The following ACIN1 variants were observed in gnomAD, a reference collection of about 807,000 sequenced individuals.
ACIN1 encodes apoptotic chromatin condensation inducer 1.
In ACIN1, 16 loss-of-function variants were observed where a neutral mutation model predicts 146.6. That is an observed-to-expected ratio of 0.11 (90% CI 0.07 to 0.17). The LOEUF is 0.17. Ranked by LOEUF, ACIN1 falls within the 10% of genes least tolerant of loss-of-function variation. The pLI is 1.00. For synonymous variants in ACIN1, 569 were observed against 582.7 expected, an observed-to-expected ratio of 0.98 and a Z score of 0.34; for missense variants, 1,357 against 1,609.3, an observed-to-expected ratio of 0.84 and a Z score of 2.68.
At chr14:23,066,224 T>A in intron 9 of ACIN1, 1 of 511,914 alleles carries the variant, frequency 2.0e-6, no homozygotes. Flanking sequence ...GAGAAAAAAA[T>A]AAAACTAAAC....
rs2047677754 is a variant in ACIN1, at chr14:23,072,172, ATGG to A, written c.2124-2558_2124-2556del. ...ACTCCAACATGTCCTTTTCCCAGGG[ATGG>A]TGGAGGGAAGTGGATAGCAGGGAGA... On this transcript the variant is annotated intron_variant, in intron 8 of 18. Coordinates refer to ENST00000605057, the MANE Select transcript of ACIN1 (RefSeq NM_001386863.1). 2.0e-5 allele frequency among the ~76,000 whole-genome samples: 3 copies of A among 152,198 alleles called. No individual in the cohort carries two copies. The South Asian group carries it at 6.2e-4, about 32-fold the overall frequency.
At chr14:23,094,199 C>G (rs1287325744) in intron 1 of ACIN1, among the ~76,000 whole-genome samples, 1 of 152,126 alleles carries the variant, frequency 6.6e-6, no homozygotes, top group Non-Finnish European at 1.5e-5. Flanking sequence ...CAACCCAGAC[C>G]TAATCTGCAC....
In ACIN1 at chr14:23,080,271, T is replaced by C; in HGVS notation, c.1064A>G (p.Glu355Gly). 6.2e-7 allele frequency: 1 copy of C among 1,614,178 alleles called. No individual in the cohort carries two copies. Among genetic ancestry groups the C allele is most frequent in the Non-Finnish European group, 8.5e-7 (1 of 1,180,024 alleles). ...ALPEQTASEE[E>G]TPPPLLTKEA... ...CTTTGTTAGTAAAGGTGGAGGAGTC[T>C]CCTCCTCGCTGGCAGTTTGCTCTGG... The change falls in exon 6 of 19, where the codon GAG (glutamate) becomes GGG (glycine). Residue 355 changes from glutamate to glycine, a missense_variant. Around this residue, in one of 4 missense-constraint regions of ACIN1, gnomAD observed 771 missense variants for 746.6 expected, o/e 1.03. Transcript: ENST00000605057.
chr14:23,080,478 T>C lies in ACIN1; in HGVS notation c.857A>G (p.Gln286Arg), dbSNP rs1267775308. ...LERGGRFTRS[Q>R]EEARKSHLAR... is the part of the protein sequence containing the mutation. The stretch of plus-strand genomic sequence containing the variant: ...CAGATGACTTTTTCTAGCCTCTTCC[T>C]GGGATCTTGTAAATCTCCCTCCTCT... The change falls in exon 6 of 19, where the codon CAG (glutamine) becomes CGG (arginine). Residue 286 changes from glutamine to arginine, a missense_variant. This residue lies in a region of ACIN1 where 771 missense variants were observed against 746.6 expected (regional missense o/e 1.03). Coordinates refer to ENST00000605057, the MANE Select transcript of ACIN1 (RefSeq NM_001386863.1). 1.2e-6 allele frequency: 2 copies of C among 1,614,078 alleles called. No homozygotes were observed.
rs1357150178 is a variant in ACIN1, at chr14:23,078,953, G to A, written c.1874C>T (p.Pro625Leu). ...ACAGACCTGCAGTTGTGGCACTGGT[G>A]GAGTTGCAACCTCCTGACCAGAAGA... ...DPSSGQEVATPPVPQLQVCEP... is the reference protein window; with the variant it reads ...DPSSGQEVATLPVPQLQVCEP... The change falls in exon 7 of 19, where the codon CCA becomes CTA. Residue 625 changes from proline (P) to leucine (L), a missense_variant. By Grantham distance (98) the Pro-to-Leu change is moderately conservative (BLOSUM62 -3). Coordinates refer to ENST00000605057, the MANE Select transcript of ACIN1 (RefSeq NM_001386863.1). 8 of 1,614,190 alleles carry A rather than the reference G, an allele frequency of 5.0e-6. No homozygotes were observed. The highest frequency in any genetic ancestry group is 1.7e-5 in the Admixed American group (1 of 60,018).
chr14:23,059,331 C>CCGA lies in ACIN1; in HGVS notation c.3666_3668dup (p.Arg1223dup), dbSNP rs1439283987. 2 of 1,605,822 alleles carry CCGA rather than the reference C, an allele frequency of 1.2e-6. No homozygotes were observed. The highest frequency in any genetic ancestry group is 2.2e-5 in the East Asian group (1 of 44,814). ...CCCTGTCCCTCTCCCGACTGTGCTC[C>CCGA]CGACGTTTCTCTCGCTCCAGCTGTC... On this transcript the variant is annotated inframe_insertion, in exon 19 of 19. Coordinates refer to ENST00000605057, the MANE Select transcript of ACIN1 (RefSeq NM_001386863.1).
Position 23,062,495 on chromosome 14 carries a change from T to C in ACIN1, c.2912A>G (p.Lys971Arg), listed in dbSNP as rs1285105451. Residue 971 changes from lysine (K) to arginine (R), a missense_variant, in exon 15 of 19, where the codon AAG becomes AGG. Lys to Arg is a conservative substitution (Grantham distance 26). Around this residue, in one of 4 missense-constraint regions of ACIN1, gnomAD observed 509 missense variants for 719.6 expected, o/e 0.71. Transcript: ENST00000605057. Reference protein sequence around the residue: ...LVRPFTLGQLKELLGRTGTLV... With the variant: ...LVRPFTLGQLRELLGRTGTLV... ...GGTTCCTGTGCGCCCCAACAACTCC[T>C]TTAGCTGGCCTAAAGTGAAAGGACG... 2 of 1,614,060 alleles carry C rather than the reference T, an allele frequency of 1.2e-6. No homozygotes were observed. Among genetic ancestry groups the C allele is most frequent in the African/African-American group, 1.3e-5 (1 of 74,908 alleles).
At chr14:23,066,123 G>A in intron 9 of ACIN1, 115 bp from the exon 10 acceptor site, 1 of 724,498 alleles carries the variant, frequency 1.4e-6, no homozygotes, top group East Asian at 2.8e-5. Context: ...CAGATAGAGT[G>A]AGAGAGAGAG....
At chr14:23,081,676 AAC>A in intron 5 of ACIN1, 70 bp downstream of exon 5, 1 of 1,344,400 alleles carries the variant, frequency 7.4e-7, no homozygotes, top group Non-Finnish European at 1.0e-6. Context: ...ACAAACTCAA[AAC>A]AAGTCTGAAG....
chr14:23,062,073 T>TCAG, intron 16 of ACIN1, 95 bp downstream of exon 16: 2 of 962,312 alleles, frequency 2.1e-6, no homozygotes, highest in Non-Finnish European at 3.2e-6. Flanking sequence ...GAACAGAAGC[T>TCAG]CAGAGACTGC....
rs769034582 is a variant in ACIN1 at position 23,063,518 on chromosome 14, T to C, written c.2655A>G (p.Glu885=). 6.9e-5 allele frequency: 112 copies of C among 1,614,054 alleles called. No individual in the cohort carries two copies. Among genetic ancestry groups the C allele is most frequent in the Non-Finnish European group, 8.9e-5 (105 of 1,180,040 alleles). The change falls in exon 13 of 19, where the codon GAA becomes GAG. Residue 885 remains glutamate, a synonymous_variant. Coordinates refer to ENST00000605057, the MANE Select transcript of ACIN1 (RefSeq NM_001386863.1). ...GAGGTACAGGAGGTTCTGCTTCAGG[T>C]TCCTTCTCTTCTTCCTCTTCTTCCC... is the stretch of plus-strand genomic sequence containing the variant. ...GQREEEEEEK[E]PEAEPPVPPQ...
chr14:23,087,933 A>G (rs1770042853), intron 4 of ACIN1, among the ~76,000 whole-genome samples: 1 of 152,122 alleles, frequency 6.6e-6, no homozygotes, highest in African/African-American at 2.4e-5. Context: ...AACCATTTCT[A>G]AGGCTCAGCT....
rs962923266 is a variant in ACIN1 at position 23,067,675 on chromosome 14, G to A, written c.2266-1667C>T. On this transcript the variant is annotated intron_variant, in intron 9 of 18. Transcript: ENST00000605057. The surrounding 1 kb of genome is among the most constrained non-coding windows in gnomAD (Gnocchi z 4.6). ...CTGATGAGATGGCCTGTGAGTAGCAGGAATGATCCTTGCCTTTTATCGTGA... is the reference window on the plus strand; with the variant it reads ...CTGATGAGATGGCCTGTGAGTAGCAAGAATGATCCTTGCCTTTTATCGTGA... 7.1e-6 allele frequency: 7 copies of A among 985,818 alleles called. No homozygotes were observed. Among genetic ancestry groups the A allele is most frequent in the African/African-American group, 1.7e-5 (1 of 57,234 alleles). The allele number at this position is 985,818 out of a possible 1,614,324, so 61.1% of individuals were successfully genotyped here.
At chr14:23,076,633 G>GA (rs966182701) in intron 8 of ACIN1, 1 of 152,210 alleles carries the variant, frequency 6.6e-6, no homozygotes, top group Non-Finnish European at 1.5e-5. Context: ...GAGCTTTTCA[G>GA]AAAATCACTT....
In ACIN1 at chr14:23,059,281, T is replaced by C. The variant is rs1164381875; in HGVS notation, c.3719A>G (p.Asp1240Gly). 1 of 1,605,868 alleles carries C rather than the reference T, an allele frequency of 6.2e-7. No homozygotes were observed. The highest frequency in any genetic ancestry group is 8.5e-7 in the Non-Finnish European group (1 of 1,172,590). Residue 1240 changes from aspartate to glycine, a missense_variant, in exon 19 of 19, where the codon GAC becomes GGC. Coordinates refer to ENST00000605057, the MANE Select transcript of ACIN1 (RefSeq NM_001386863.1). ...DRERERERER[D>G]RGDRDRDRER... Reference sequence around the variant, plus strand: ...CCTATCCCGATCTCGGTCCCCCCTGTCCCGCTCCCTTTCTCTCTCTCTCTC... The same window carrying C: ...CCTATCCCGATCTCGGTCCCCCCTGCCCCGCTCCCTTTCTCTCTCTCTCTC...
At chr14:23,059,537 G>T (rs2047199742) in intron 18 of ACIN1, 63 bp from the exon 19 acceptor site, 2 of 1,356,524 alleles carry the variant, frequency 1.5e-6, no homozygotes, top group African/African-American at 1.4e-5. Flanking sequence ...CTCCATTTGT[G>T]CCTGGACCCT....
rs1392993153 is a variant in ACIN1 at position 23,079,187 on chromosome 14, C to T, written c.1789-149G>A. ...CTCCCATTTTGTCTGTGTTTATTCCCATTTAGTGGTCTCCTTGACCACTTA... is the reference window on the plus strand; with the variant it reads ...CTCCCATTTTGTCTGTGTTTATTCCTATTTAGTGGTCTCCTTGACCACTTA... On this transcript the variant is annotated intron_variant, in intron 6 of 18. Transcript: ENST00000605057. 1.2e-5 allele frequency: 10 copies of T among 851,090 alleles called. No homozygotes were observed. The East Asian group carries it at 2.7e-4, about 23-fold the overall frequency. The allele number at this position is 851,090 out of a possible 1,614,324, so 52.7% of individuals were successfully genotyped here.
chr14:23,063,135 C>T, intron 13 of ACIN1, 61 bp from the exon 14 acceptor site: 1 of 1,497,486 alleles, frequency 6.7e-7, no homozygotes, highest in Non-Finnish European at 9.0e-7. Context: ...TTTTCACCCT[C>T]AATGTAACTC....
Position 23,067,412 on chromosome 14 carries a change from A to T in ACIN1, c.2266-1404T>A. The T allele has an allele frequency of 1.0e-6, 1 of 978,450 alleles. No individual in the cohort carries two copies. Among genetic ancestry groups the T allele is most frequent in the Non-Finnish European group, 1.2e-6 (1 of 827,582 alleles). 60.6% of individuals were successfully genotyped at this position (978,450 alleles called of 1,614,324 possible). ...AGCCCTCCCTGCTAGGCGCTGTGCA[A>T]TTGGTGGGGGGTTGGGTTGGCAAAA... On this transcript the variant is annotated intron_variant, in intron 9 of 18. Coordinates refer to ENST00000605057, the MANE Select transcript of ACIN1 (RefSeq NM_001386863.1). This position sits in a 1 kb window ranked among gnomAD's most constrained non-coding sequence, Gnocchi z 4.6.
Sources: allele counts gnomAD v4.1 joint callset (sites outside exome capture counted in the v4.1 genomes callset), GRCh38; gene constraint gnomAD v4.1.1; regional missense constraint gnomAD v4.1.1; non-coding constraint Gnocchi (gnomAD v3.1); transcripts MANE v1.5; gene names NCBI Gene and HGNC (gene_info 2026-07-23, HGNC 2026-07-21).